The following FRMPD4 variants were observed in gnomAD, a reference collection of about 807,000 sequenced individuals.
FRMPD4 encodes FERM and PDZ domain-containing protein 4.
In FRMPD4, 22 loss-of-function variants were observed where a neutral mutation model predicts 94.1. That is an observed-to-expected ratio of 0.23 (90% CI 0.17 to 0.33). The LOEUF (loss-of-function observed/expected upper bound fraction) is 0.33. FRMPD4 is among the 10% of genes least tolerant of loss of function. The pLI is 1.00. For synonymous variants in FRMPD4, 631 were observed against 548.6 expected, an observed-to-expected ratio of 1.15 and a Z score of -2.10; for missense variants, 1,111 against 1,339.9, an observed-to-expected ratio of 0.83 and a Z score of 2.67.
intron 3 of FRMPD4, among the ~76,000 whole-genome samples, chrX:11,887,438 A>G (rs915917968): frequency 4.5e-5 from 5 of 111,914 alleles, no homozygotes; most frequent in African/African-American, 1.6e-4. Flanking sequence ...TGCACACCTT[A>G]TCTGCACATA....
At chrX:12,621,968 G>GAGAGAAAGAA (rs2059295003) in intron 4 of FRMPD4, among the ~76,000 whole-genome samples, 1 of 41,077 alleles carries the variant, frequency 2.4e-5, no homozygotes, top group Non-Finnish European at 4.4e-5. Flanking sequence ...AAGAAAGAAA[G>GAGAGAAAGAA]AGAAAGAAAG....
At chrX:12,545,221 C>T (rs2058461786) in intron 2 of FRMPD4, among the ~76,000 whole-genome samples, 1 of 101,875 alleles carries the variant, frequency 9.8e-6, no homozygotes, top group African/African-American at 3.6e-5. Flanking sequence ...TGTGGCCCAA[C>T]ACAAATTTGT....
At chrX:12,004,691 C>CTT (rs141975202) in intron 3 of FRMPD4, among the ~76,000 whole-genome samples, 2 of 98,925 alleles carry the variant, frequency 2.0e-5, no homozygotes, top group Non-Finnish European at 4.1e-5. Flanking sequence ...GTCTGCTGAC[C>CTT]TTTTTTTTTT....
rs1031594586 is a variant in FRMPD4 at position 12,039,228 on chromosome X, T to A, written c.95+161210T>A. The stretch of plus-strand genomic sequence containing the variant: ...TTATTTATTTATTTATTTTTATTTT[T>A]TTTTTGACTCCTGGGCTCAAGCAAT... On this transcript the variant is annotated intron_variant, in intron 3 of 18. Transcript: ENST00000640291. 4.5e-5 allele frequency among the ~76,000 whole-genome samples: 5 copies of A among 109,902 alleles called. No homozygotes were observed. The East Asian group carries it at 1.1e-3, about 25-fold the overall frequency.
intron 4 of FRMPD4, among the ~76,000 whole-genome samples, chrX:12,626,501 A>G (rs138140178): frequency 0.023 from 2,396 of 105,743 alleles, 76 homozygotes; most frequent in African/African-American, 0.079. Context: ...CCTACAAACC[A>G]GGACCTAGTG....
Position 12,704,493 on chromosome X carries a change from A to C in FRMPD4, c.1197+8A>C. The C allele has an allele frequency of 8.9e-7, 1 of 1,127,879 alleles. No homozygotes were observed. The highest frequency in any genetic ancestry group is 1.2e-6 in the Non-Finnish European group (1 of 840,277). 92.9% of individuals were successfully genotyped at this position (1,127,879 alleles called of 1,213,427 possible). ...GTACCACCGGGTAAAAAGGTATCAC[A>C]TTTCCATCTTAAAAGAAAATTATAA... On this transcript the variant is annotated splice_region_variant and intron_variant, in intron 11 of 16. Coordinates refer to ENST00000675598, the MANE Select transcript of FRMPD4 (RefSeq NM_001368397.1).
chrX:12,039,758 T>C (rs2054741402), intron 3 of FRMPD4, among the ~76,000 whole-genome samples: 1 of 109,272 alleles, frequency 9.2e-6, no homozygotes, highest in Non-Finnish European at 1.9e-5. Flanking sequence ...TCACCTGAGG[T>C]AGGGACTCGG....
At chrX:12,635,804 T>C (rs1486894325) in intron 4 of FRMPD4, among the ~76,000 whole-genome samples, 4 of 111,927 alleles carry the variant, frequency 3.6e-5, no homozygotes, top group African/African-American at 9.7e-5. Flanking sequence ...CAGGTTGTTT[T>C]AGAGAAATTT....
chrX:12,371,072 C>T (rs762886223), intron 1 of FRMPD4, among the ~76,000 whole-genome samples: 7 of 112,306 alleles, frequency 6.2e-5, no homozygotes, highest in Non-Finnish European at 9.4e-5. Flanking sequence ...TACCAGGAAA[C>T]CTGTAGTTTT....
At chrX:12,224,457 C>G (rs1354830246) in intron 1 of FRMPD4, among the ~76,000 whole-genome samples, 1 of 110,485 alleles carries the variant, frequency 9.1e-6, no homozygotes, top group Non-Finnish European at 1.9e-5. Flanking sequence ...GCCATGTTGC[C>G]CAGCCTGGAT....
At chrX:12,404,406 C>G (rs2056643758) in intron 1 of FRMPD4, among the ~76,000 whole-genome samples, 1 of 111,918 alleles carries the variant, frequency 8.9e-6, no homozygotes, top group Non-Finnish European at 1.9e-5. Context: ...TATTTAATAC[C>G]AATGACATGT....
At chrX:12,701,561 T>C (rs1407512953) in intron 9 of FRMPD4, among the ~76,000 whole-genome samples, 1 of 112,237 alleles carries the variant, frequency 8.9e-6, no homozygotes, top group Non-Finnish European at 1.9e-5. Context: ...CTATCAATGC[T>C]GTGTGCATTC....
chrX:12,590,241 G>A (rs561784557), intron 2 of FRMPD4, among the ~76,000 whole-genome samples: 3 of 111,895 alleles, frequency 2.7e-5, no homozygotes, highest in African/African-American at 6.5e-5. Flanking sequence ...CCTCCTCAGC[G>A]TCAATAAATA....
chrX:12,662,402 C>T lies in FRMPD4; in HGVS notation c.423-12461C>T, dbSNP rs770639904. The stretch of plus-strand genomic sequence containing the variant: ...GTGTGTGATGTTCTCCTCCCTGTGT[C>T]CATGTGTTCTCATTGTTCAACTCCC... On this transcript the variant is annotated intron_variant, in intron 4 of 16. Coordinates refer to ENST00000675598, the MANE Select transcript of FRMPD4 (RefSeq NM_001368397.1). 3.0e-3 allele frequency among the ~76,000 whole-genome samples: 328 copies of T among 109,965 alleles called. 2 individuals are homozygous for T. Among genetic ancestry groups the T allele is most frequent in the Middle Eastern group, 0.014 (3 of 216 alleles).
At chrX:12,201,547 T>C (rs1005412654) in intron 1 of FRMPD4, among the ~76,000 whole-genome samples, 1 of 112,048 alleles carries the variant, frequency 8.9e-6, no homozygotes, top group Non-Finnish European at 1.9e-5. Flanking sequence ...AGAGATATGA[T>C]GGAACCAAAG....
intron 5 of FRMPD4, among the ~76,000 whole-genome samples, chrX:12,682,973 AAGAG>A (rs1569408812): frequency 5.4e-5 from 6 of 111,740 alleles, no homozygotes; most frequent in African/African-American, 1.6e-4. Flanking sequence ...TTGAGAGAGA[AAGAG>A]AGAGAGAGGG....
At chrX:12,082,837 G>A (rs2055073372) in intron 3 of FRMPD4, among the ~76,000 whole-genome samples, 2 of 111,411 alleles carry the variant, frequency 1.8e-5, no homozygotes, top group Non-Finnish European at 3.8e-5. Flanking sequence ...AGAGATTGGT[G>A]GAACTTTGAA....
At chrX:12,286,691 T>C (rs529077356) in intron 1 of FRMPD4, among the ~76,000 whole-genome samples, 152 of 112,061 alleles carry the variant, frequency 1.4e-3, no homozygotes, top group Non-Finnish European at 2.4e-3. Context: ...TGATAGACTT[T>C]TTGGAAATTC....
At chrX:12,486,346 T>G (rs1231661495) in intron 1 of FRMPD4, among the ~76,000 whole-genome samples, 1 of 112,087 alleles carries the variant, frequency 8.9e-6, no homozygotes, top group African/African-American at 3.2e-5. Context: ...AGAACCTGCA[T>G]TTTAACAAGA....
Sources: gnomAD v4.1 joint callset for allele counts (sites outside exome capture counted in the v4.1 genomes callset) on GRCh38, gnomAD v4.1.1 for gene constraint, MANE v1.5 for transcripts, NCBI Gene and HGNC (gene_info 2026-07-23, HGNC 2026-07-21) for gene names.